Variants in OAS3 observed in about 807,000 individuals in gnomAD.
OAS3 encodes the protein 2'-5'-oligoadenylate synthetase 3, also known as 2'-5'-oligoadenylate synthase 3.
In OAS3, 107 loss-of-function variants were observed where a neutral mutation model predicts 113.0. That is an observed-to-expected ratio of 0.95 (90% CI 0.81 to 1.11). The LOEUF is 1.11. OAS3 is among the 50% of genes most tolerant of loss of function. The pLI is 0.00. For synonymous variants in OAS3, 552 were observed against 573.6 expected (o/e 0.96, Z 0.54); for missense variants, 1,258 against 1,389.1 (o/e 0.91, Z 1.50).
chr12:112,966,679 T>C (rs2043936886), intron 12 of OAS3, among the ~76,000 whole-genome samples: 1 of 152,166 alleles, frequency 6.6e-6, no homozygotes, highest in African/African-American at 2.4e-5. Context: ...TCTTACTTTA[T>C]CACCTGGCCT....
chr12:112,940,669 G>A (rs542355527), intron 1 of OAS3, among the ~76,000 whole-genome samples: 2 of 152,260 alleles, frequency 1.3e-5, no homozygotes, highest in South Asian at 2.1e-4. Context: ...TTTTACCTGC[G>A]GTCTTGAGTT....
chr12:112,967,522 C>T lies in OAS3; in HGVS notation c.2794C>T (p.Arg932Trp), dbSNP rs375769849. ...CTCCACCTGCTTCACAGAGCTACAA[C>T]GGGACTTCATCATCTCTCGCCCTAC... ...EYSTCFTELQ[R>W]DFIISRPTKL... The change falls in exon 13 of 16, where the codon CGG becomes TGG. Residue 932 changes from arginine (R) to tryptophan (W), a missense_variant. Coordinates refer to ENST00000228928, the MANE Select transcript of OAS3 (RefSeq NM_006187.4). The T allele has an allele frequency of 5.0e-6, 8 of 1,613,886 alleles. No individual in the cohort carries two copies. The highest frequency in any genetic ancestry group is 6.8e-6 in the Non-Finnish European group (8 of 1,179,834).
At chr12:112,969,220 A>C (rs1003290356) in intron 14 of OAS3, 1 of 185,530 alleles carries the variant, frequency 5.4e-6, no homozygotes, top group Non-Finnish European at 1.1e-5. Context: ...GCAAAGGTCC[A>C]AAATCTGAAA....
chr12:112,962,395 T>C (rs1359617026), intron 8 of OAS3, among the ~76,000 whole-genome samples: 1 of 152,166 alleles, frequency 6.6e-6, no homozygotes, highest in Non-Finnish European at 1.5e-5. Flanking sequence ...TCAAGATGTT[T>C]CAAATTTCCA....
chr12:112,951,376 A>T (rs918318699), intron 7 of OAS3, among the ~76,000 whole-genome samples: 2 of 152,078 alleles, frequency 1.3e-5, no homozygotes, highest in Non-Finnish European at 2.9e-5. Flanking sequence ...TTAGCTTAGT[A>T]ATTATCAGTT....
At chr12:112,969,435 G>T (rs906571602) in intron 14 of OAS3, 173 bp from the exon 15 acceptor site, 85 of 695,918 alleles carry the variant, frequency 1.2e-4, no homozygotes, top group Middle Eastern at 3.4e-4. Context: ...GTGGCCATGT[G>T]TGTCTTATTT....
At chr12:112,969,313 A>G in intron 14 of OAS3, 1 of 424,226 alleles carries the variant, frequency 2.4e-6, no homozygotes, top group South Asian at 3.2e-5. Context: ...AGGAGGGGAG[A>G]GTTGTGGAAC....
In OAS3 at chr12:112,965,754, C is replaced by T; in HGVS notation, c.2414C>T (p.Ser805Leu). 6.2e-7 allele frequency: 1 copy of T among 1,610,102 alleles called. No homozygotes were observed. Among genetic ancestry groups the T allele is most frequent in the Non-Finnish European group, 8.5e-7 (1 of 1,178,806 alleles). The change falls in exon 12 of 16, where the codon TCA becomes TTA. Residue 805 changes from serine (S) to leucine (L), a missense_variant. Physicochemically the swap from Ser to Leu is moderately radical, Grantham distance 145 (BLOSUM62 -2). Coordinates refer to ENST00000228928, the MANE Select transcript of OAS3 (RefSeq NM_006187.4). ...CCATGTCCTCTCCAGGGTGGCTCTT[C>T]AGCCAAAGGCACAGCTCTGCGAGGC... ...KVIKVVKGGS[S>L]AKGTALRGRS...
chr12:112,946,611 C>A, intron 3 of OAS3, 132 bp from the exon 4 acceptor site: 3 of 704,450 alleles, frequency 4.3e-6, no homozygotes, highest in Non-Finnish European at 4.5e-6. Flanking sequence ...GCCACTTGTT[C>A]TTGGAACAGG....
intron 7 of OAS3, among the ~76,000 whole-genome samples, chr12:112,952,079 G>A (rs1025696560): frequency 3.9e-5 from 6 of 151,908 alleles, no homozygotes; most frequent in African/African-American, 1.2e-4. Flanking sequence ...CTTCTTGCTC[G>A]GATAATTTTT....
In OAS3 at chr12:112,973,097, C is replaced by G. The variant is rs1469039273; in HGVS notation, c.*3124C>G. The G allele has an allele frequency of 1.3e-5, 2 of 152,126 alleles. No individual in the cohort carries two copies. The highest frequency in any genetic ancestry group is 3.9e-4 in the East Asian group (2 of 5,194). The allele number at this position is 152,126 out of a possible 1,614,324, so 9.4% of individuals were successfully genotyped here. A position where few individuals can be genotyped will look rare whatever the true frequency, so the allele number is the denominator to read the frequency against. ...CACAGATGCATTCATCATAATAATT[C>G]CAGACATTTTCATCACCCTAAAAGG... is the stretch of plus-strand genomic sequence containing the variant. On this transcript the variant is annotated 3_prime_UTR_variant, in exon 16 of 16. Coordinates refer to ENST00000228928, the MANE Select transcript of OAS3 (RefSeq NM_006187.4).
chr12:112,958,117 C>T (rs2043851963), intron 7 of OAS3, among the ~76,000 whole-genome samples: 1 of 152,180 alleles, frequency 6.6e-6, no homozygotes. Flanking sequence ...CTTTCTTCCA[C>T]TTGATAGAAT....
chr12:112,969,774 C>A lies in OAS3; in HGVS notation c.3252+19C>A, dbSNP rs757403. Reference sequence around the variant, plus strand: ...AGTGAAGGTGAGAGATCTGTGGTGCCAAAGGAAGTACCCTTTAGGGGTAAG... The same window carrying A: ...AGTGAAGGTGAGAGATCTGTGGTGCAAAAGGAAGTACCCTTTAGGGGTAAG... On this transcript the variant is annotated intron_variant, in intron 15 of 15. Transcript: ENST00000228928. 4 of 1,610,522 alleles carry A rather than the reference C, an allele frequency of 2.5e-6. No individual in the cohort carries two copies. Among genetic ancestry groups the A allele is most frequent in the Non-Finnish European group, 3.4e-6 (4 of 1,178,098 alleles).
intron 7 of OAS3, among the ~76,000 whole-genome samples, chr12:112,955,523 G>C (rs1317330136): frequency 6.6e-6 from 1 of 152,176 alleles, no homozygotes; most frequent in Non-Finnish European, 1.5e-5. Context: ...AGAGTTTTTA[G>C]CATGAAGGGC....
intron 4 of OAS3, among the ~76,000 whole-genome samples, chr12:112,947,455 G>A (rs966399449): frequency 6.6e-6 from 1 of 152,200 alleles, no homozygotes; most frequent in African/African-American, 2.4e-5. Flanking sequence ...CTGTTCTCAA[G>A]ATTAAGTCTT....
intron 6 of OAS3, among the ~76,000 whole-genome samples, chr12:112,949,801 CT>C (rs1593177638): frequency 6.6e-6 from 1 of 152,128 alleles, no homozygotes; most frequent in East Asian, 1.9e-4. Flanking sequence ...GGCAGATCAC[CT>C]GAGGTCAGGA....
At chr12:112,959,484 C>T (rs1046677318) in intron 7 of OAS3, among the ~76,000 whole-genome samples, 42 of 152,162 alleles carry the variant, frequency 2.8e-4, no homozygotes, top group African/African-American at 9.7e-4. Context: ...CTTGGAACCT[C>T]CTCTCTGGAT....
At position 112,961,243 on chromosome 12, in the gene OAS3, C is replaced by A. The variant is rs746044902; in HGVS notation, c.1830C>A (p.Arg610=). 4.3e-6 allele frequency: 7 copies of A among 1,613,368 alleles called. No homozygotes were observed. The South Asian group carries it at 7.7e-5, about 18-fold the overall frequency. Residue 610 remains arginine (R), a synonymous_variant, in exon 8 of 16, where the codon CGC becomes CGA. Transcript: ENST00000228928. ...NLILLVKHWY[R]QVAAQNKGKG... ...TTCTGCTGGTGAAGCACTGGTACCG[C>A]CAGGTGAGTTGCCCCTGGCTCCTCC...
chr12:112,950,280 G>C (rs1220883970), intron 6 of OAS3, among the ~76,000 whole-genome samples: 1 of 152,058 alleles, frequency 6.6e-6, no homozygotes, highest in Non-Finnish European at 1.5e-5. Flanking sequence ...GGGAGGGAGG[G>C]AATTGATGGA....
Sources: allele counts gnomAD v4.1 joint callset (sites outside exome capture counted in the v4.1 genomes callset), GRCh38; gene constraint gnomAD v4.1.1; transcripts MANE v1.5; gene names NCBI Gene and HGNC (gene_info 2026-07-23, HGNC 2026-07-21).